The following GALNT17 variants were observed in gnomAD, a reference collection of about 807,000 sequenced individuals.
GALNT17 encodes UDP-GalNAc:polypeptide N-acetylgalactosaminyltransferase-like 3.
Under a neutral mutation model 63.7 loss-of-function variants are expected in GALNT17, and 29 were observed. That is an observed-to-expected ratio of 0.46 (90% CI 0.34 to 0.62). The LOEUF (loss-of-function observed/expected upper bound fraction) is 0.62. Ranked by LOEUF, GALNT17 falls within the 20% of genes least tolerant of loss-of-function variation. The pLI is 0.01. For missense variants in GALNT17, 603 were observed against 799.6 expected (o/e 0.75, Z 2.97); for synonymous variants, 305 against 318.3 (o/e 0.96, Z 0.45).
rs146345379 is a variant in GALNT17 at position 71,690,181 on chromosome 7, C to T, written c.1500+12875C>T. ...CTGGGACTACAGGTGCGCACCATCA[C>T]GCCCAGCTAATTTTTCTATTTTTAG... On this transcript the variant is annotated intron_variant, in intron 9 of 10. Transcript: ENST00000333538. 3.3e-3 allele frequency among the ~76,000 whole-genome samples: 498 copies of T among 152,056 alleles called. 1 individual carries two copies. The highest frequency in any genetic ancestry group is 0.011 in the African/African-American group (471 of 41,510).
chr7:71,217,226 T>A (rs1393428095), intron 1 of GALNT17, among the ~76,000 whole-genome samples: 1 of 151,090 alleles, frequency 6.6e-6, no homozygotes, highest in African/African-American at 2.4e-5. Context: ...TCGCCCACCT[T>A]GGCCTCCCAA....
intron 1 of GALNT17, among the ~76,000 whole-genome samples, chr7:71,138,375 A>C (rs1372105414): frequency 6.6e-6 from 1 of 152,082 alleles, no homozygotes; most frequent in Non-Finnish European, 1.5e-5. Flanking sequence ...AATTGAGTAG[A>C]AGTGGATTGT....
At chr7:71,680,895 C>G (rs576316201) in intron 9 of GALNT17, among the ~76,000 whole-genome samples, 28 of 142,072 alleles carry the variant, frequency 2.0e-4, no homozygotes, top group Non-Finnish European at 4.1e-4. Flanking sequence ...TTCCTTCCTT[C>G]ATTTTCTTCT....
intron 5 of GALNT17, among the ~76,000 whole-genome samples, chr7:71,538,029 A>G (rs1788827996): frequency 6.6e-6 from 1 of 152,162 alleles, no homozygotes; most frequent in African/African-American, 2.4e-5. Flanking sequence ...CTTTCAGCCT[A>G]CAGAGAACTC....
At chr7:71,342,750 G>A (rs1792027554) in intron 2 of GALNT17, among the ~76,000 whole-genome samples, 1 of 152,206 alleles carries the variant, frequency 6.6e-6, no homozygotes, top group African/African-American at 2.4e-5. Flanking sequence ...GTAGCAGGAA[G>A]TCAATTGAAA....
At chr7:71,218,576 A>G (rs1467077500) in intron 1 of GALNT17, among the ~76,000 whole-genome samples, 1 of 152,062 alleles carries the variant, frequency 6.6e-6, no homozygotes, top group Admixed American at 6.6e-5. Context: ...TGGGCCACAA[A>G]CTGGTCTGTG....
chr7:71,346,141 A>G (rs930856283), intron 2 of GALNT17, among the ~76,000 whole-genome samples: 1 of 151,840 alleles, frequency 6.6e-6, no homozygotes. Context: ...ACAGGGAGCT[A>G]TGATCGTGCC....
chr7:71,168,133 A>G (rs1420976016), intron 1 of GALNT17, among the ~76,000 whole-genome samples: 1 of 152,054 alleles, frequency 6.6e-6, no homozygotes, highest in Non-Finnish European at 1.5e-5. Context: ...TTTATTGTCC[A>G]TGTATGTCTA....
At chr7:71,264,934 T>C (rs958932741) in intron 1 of GALNT17, among the ~76,000 whole-genome samples, 2 of 151,060 alleles carry the variant, frequency 1.3e-5, no homozygotes, top group African/African-American at 4.9e-5. Context: ...GTGACTGTAG[T>C]TAACAACAAT....
At chr7:71,436,038 A>G (rs1188622263) in intron 5 of GALNT17, among the ~76,000 whole-genome samples, 1 of 151,346 alleles carries the variant, frequency 6.6e-6, no homozygotes, top group Admixed American at 6.6e-5. Flanking sequence ...GAAAAAAAAA[A>G]AAAACAACTC....
At chr7:71,644,546 A>AAAAAAAAAAAAAAAAAAAAC (rs1790648470) in intron 6 of GALNT17, among the ~76,000 whole-genome samples, 3 of 100,214 alleles carry the variant, frequency 3.0e-5, no homozygotes, top group African/African-American at 8.6e-5. Flanking sequence ...AAAAAAAAAA[A>AAAAAAAAAAAAAAAAAAAAC]AAACAAAAGA....
At chr7:71,235,951 G>A (rs1484897593) in intron 1 of GALNT17, among the ~76,000 whole-genome samples, 1 of 152,288 alleles carries the variant, frequency 6.6e-6, no homozygotes, top group Non-Finnish European at 1.5e-5. Flanking sequence ...ATGCTGAGGC[G>A]GGTGGATCAC....
chr7:71,210,236 C>G (rs150490787), intron 1 of GALNT17, among the ~76,000 whole-genome samples: 2 of 152,256 alleles, frequency 1.3e-5, no homozygotes, highest in African/African-American at 4.8e-5. Flanking sequence ...GACTGGCCCC[C>G]ATGATTCAAT....
At chr7:71,347,566 T>A (rs1016733302) in intron 2 of GALNT17, among the ~76,000 whole-genome samples, 1 of 152,176 alleles carries the variant, frequency 6.6e-6, no homozygotes, top group Non-Finnish European at 1.5e-5. Flanking sequence ...AAAAGTGATA[T>A]ATCCTTAGCC....
At chr7:71,512,302 G>A (rs774736455) in intron 5 of GALNT17, among the ~76,000 whole-genome samples, 10 of 151,976 alleles carry the variant, frequency 6.6e-5, no homozygotes, top group Non-Finnish European at 1.3e-4. Flanking sequence ...CACTGTGCCC[G>A]GCCCTGGGTT....
At chr7:71,142,219 T>C (rs1046727134) in intron 1 of GALNT17, among the ~76,000 whole-genome samples, 2 of 152,138 alleles carry the variant, frequency 1.3e-5, no homozygotes, top group African/African-American at 4.8e-5. Context: ...CAATGCTTCA[T>C]AGTAGAGTAT....
In GALNT17 at chr7:71,677,338, A is replaced by C. The variant is rs1215061020; in HGVS notation, c.1500+32A>C. The C allele has an allele frequency of 1.9e-6, 3 of 1,599,730 alleles. No homozygotes were observed. The South Asian group carries it at 3.3e-5, about 18-fold the overall frequency. On this transcript the variant is annotated intron_variant, in intron 9 of 10. Coordinates refer to ENST00000333538, the MANE Select transcript of GALNT17 (RefSeq NM_022479.3). ...GCTCGTCTCTGACCAGGAAGGAAGTAATATCACCATCTCCGACCCACAGAG... is the reference window on the plus strand; with the variant it reads ...GCTCGTCTCTGACCAGGAAGGAAGTCATATCACCATCTCCGACCCACAGAG...
chr7:71,145,010 G>C lies in GALNT17; in HGVS notation c.238+11970G>C, dbSNP rs1004391759. The stretch of plus-strand genomic sequence containing the variant: ...CCCAAAATGCTGGGAATACAGGTGT[G>C]AGCCACTGTGCCCATCTTGGGCTGG... On this transcript the variant is annotated intron_variant, in intron 1 of 10. Coordinates refer to ENST00000333538, the MANE Select transcript of GALNT17 (RefSeq NM_022479.3). Among the ~76,000 whole-genome samples, 7 of 152,146 alleles carry C rather than the reference G, an allele frequency of 4.6e-5. No individual in the cohort carries two copies. The South Asian group carries it at 1.0e-3, about 23-fold the overall frequency.
In GALNT17 at chr7:71,512,098, G is replaced by A. The variant is rs556907771; in HGVS notation, c.963-59187G>A. ...ACTCACTGCAACATCCTCCTCCCAG[G>A]TGTAAGCGATTCTCCCGCCTCAGCC... is the stretch of plus-strand genomic sequence containing the variant. On this transcript the variant is annotated intron_variant, in intron 5 of 10. Transcript: ENST00000333538. Among the ~76,000 whole-genome samples, 279 of 149,700 alleles carry A rather than the reference G, an allele frequency of 1.9e-3. 1 individual carries two copies. The highest frequency in any genetic ancestry group is 6.8e-3 in the African/African-American group (274 of 40,358).
Sources: allele counts gnomAD v4.1 joint callset (sites outside exome capture counted in the v4.1 genomes callset), GRCh38; gene constraint gnomAD v4.1.1; transcripts MANE v1.5; gene names NCBI Gene and HGNC (gene_info 2026-07-23, HGNC 2026-07-21).